Variants in IL1RAPL2 observed in about 807,000 individuals in gnomAD.
IL1RAPL2 encodes the protein X-linked interleukin-1 receptor accessory protein-like 2.
In IL1RAPL2, 3 loss-of-function variants were observed where a neutral mutation model predicts 44.1. That is an observed-to-expected ratio of 0.07 (90% confidence interval 0.03 to 0.18). The LOEUF is 0.18. Ranked by LOEUF, IL1RAPL2 falls within the 10% of genes least tolerant of loss-of-function variation. The pLI, the probability that IL1RAPL2 is intolerant of heterozygous loss-of-function variation, is 1.00. For missense variants in IL1RAPL2, 391 were observed against 496.4 expected (o/e 0.79, Z 2.02); for synonymous variants, 181 against 178.8 (o/e 1.01, Z -0.10).
intron 5 of IL1RAPL2, among the ~76,000 whole-genome samples, chrX:105,269,242 T>C (rs1365300290): frequency 9.0e-6 from 1 of 110,838 alleles, no homozygotes; most frequent in Non-Finnish European, 1.9e-5. Context: ...CTTTTTGAGA[T>C]AGTGTTAAAA....
chrX:105,462,137 A>T (rs759478434), intron 5 of IL1RAPL2, among the ~76,000 whole-genome samples: 4 of 110,808 alleles, frequency 3.6e-5, no homozygotes, highest in African/African-American at 6.6e-5. Flanking sequence ...AAATTCTCTC[A>T]TTACTGGGCT....
At chrX:104,907,067 T>G (rs1224802190) in intron 2 of IL1RAPL2, among the ~76,000 whole-genome samples, 6 of 111,164 alleles carry the variant, frequency 5.4e-5, no homozygotes, top group East Asian at 2.8e-4. Flanking sequence ...CCATTTCTTC[T>G]AGATTTTCTA....
At chrX:105,560,197 A>C (rs760258842) in intron 6 of IL1RAPL2, among the ~76,000 whole-genome samples, 1 of 111,846 alleles carries the variant, frequency 8.9e-6, no homozygotes, top group Non-Finnish European at 1.9e-5. Context: ...CCTTTAAAGA[A>C]GGTAACCTCC....
intron 2 of IL1RAPL2, among the ~76,000 whole-genome samples, chrX:104,688,731 G>A (rs889758024): frequency 1.8e-5 from 2 of 111,681 alleles, no homozygotes; most frequent in Non-Finnish European, 3.8e-5. Context: ...GCACTGATTG[G>A]TAACAGTTGA....
chrX:104,651,211 A>G (rs1380571232), intron 1 of IL1RAPL2, among the ~76,000 whole-genome samples: 3 of 112,253 alleles, frequency 2.7e-5, no homozygotes, highest in African/African-American at 9.7e-5. Context: ...CAGGAAAAGT[A>G]GCATATGAAA....
chrX:104,847,833 T>C (rs1922099357), intron 2 of IL1RAPL2, among the ~76,000 whole-genome samples: 1 of 111,910 alleles, frequency 8.9e-6, no homozygotes, highest in South Asian at 3.8e-4. Flanking sequence ...GAGCATGGAA[T>C]GTTCTTCCAT....
intron 2 of IL1RAPL2, among the ~76,000 whole-genome samples, chrX:104,678,749 G>C (rs1930836243): frequency 1.8e-5 from 2 of 111,411 alleles, no homozygotes; most frequent in Admixed American, 1.9e-4. Context: ...TTATGAGTGA[G>C]AACACATGGA....
intron 6 of IL1RAPL2, among the ~76,000 whole-genome samples, chrX:105,526,272 A>G (rs1338008529): frequency 9.0e-6 from 1 of 111,564 alleles, no homozygotes; most frequent in East Asian, 2.8e-4. Context: ...TTTATCAGGT[A>G]TGATCAGTGT....
At chrX:105,678,147 A>G (rs1203977648) in intron 6 of IL1RAPL2, among the ~76,000 whole-genome samples, 1 of 112,352 alleles carries the variant, frequency 8.9e-6, no homozygotes, top group East Asian at 2.8e-4. Context: ...ATACATAAAT[A>G]TTAGTCTGTA....
intron 3 of IL1RAPL2, among the ~76,000 whole-genome samples, chrX:105,207,330 C>T (rs973302529): frequency 9.0e-6 from 1 of 111,344 alleles, no homozygotes. Context: ...AGCATAACTC[C>T]CATGTGGTTC....
At position 104,806,767 on chromosome X, in the gene IL1RAPL2, G is replaced by C. The variant is rs770070582; in HGVS notation, c.82+147772G>C. On this transcript the variant is annotated intron_variant, in intron 2 of 10. Transcript: ENST00000372582. ...CTGCTGAGGTTGGGGATAGTTTCCT[G>C]AGAATGGTATACCTGAGAGGATCGA... is the stretch of plus-strand genomic sequence containing the variant. Among the ~76,000 whole-genome samples, 403 of 112,004 alleles carry C rather than the reference G, an allele frequency of 3.6e-3. 2 individuals are homozygous for C. The highest frequency in any genetic ancestry group is 0.012 in the African/African-American group (380 of 30,792).
intron 2 of IL1RAPL2, among the ~76,000 whole-genome samples, chrX:104,980,318 T>C (rs765742618): frequency 1.1e-4 from 12 of 111,903 alleles, no homozygotes; most frequent in African/African-American, 3.9e-4. Flanking sequence ...ACACAACAAA[T>C]AGAGAATGGT....
intron 2 of IL1RAPL2, among the ~76,000 whole-genome samples, chrX:104,759,976 A>G (rs1269336201): frequency 1.8e-5 from 2 of 111,750 alleles, no homozygotes; most frequent in Non-Finnish European, 3.8e-5. Context: ...GCTTCTGGTA[A>G]CCACCTTTCT....
chrX:104,894,372 G>A (rs1018488165), intron 2 of IL1RAPL2, among the ~76,000 whole-genome samples: 12 of 111,611 alleles, frequency 1.1e-4, no homozygotes, highest in Non-Finnish European at 2.1e-4. Flanking sequence ...AATATCCTGC[G>A]GAGTATTTTT....
intron 1 of IL1RAPL2, among the ~76,000 whole-genome samples, chrX:104,620,250 G>A (rs144458861): frequency 0.019 from 2,069 of 110,427 alleles, 54 homozygotes; most frequent in African/African-American, 0.064. Flanking sequence ...GGTAACAGGT[G>A]CACCAAAATC....
chrX:104,810,917 T>A (rs1180306595), intron 2 of IL1RAPL2, among the ~76,000 whole-genome samples: 6 of 112,435 alleles, frequency 5.3e-5, no homozygotes, highest in Non-Finnish European at 1.1e-4. Context: ...CAGTATCCAC[T>A]ATTCCTAATT....
intron 2 of IL1RAPL2, among the ~76,000 whole-genome samples, chrX:104,798,509 A>T (rs1036168970): frequency 1.8e-5 from 2 of 109,284 alleles, no homozygotes; most frequent in South Asian, 4.0e-4. Context: ...ATAAAAAAAA[A>T]AAAAAAATTA....
rs199832777 is a variant in IL1RAPL2, at chrX:105,423,578, A to AAAC, written c.698-60720_698-60718dup. Among the ~76,000 whole-genome samples, 764 of 111,529 alleles carry AAAC rather than the reference A, an allele frequency of 6.9e-3. 9 individuals are homozygous for AAAC. Among genetic ancestry groups the AAAC allele is most frequent in the African/African-American group, 0.018 (548 of 30,667 alleles). On this transcript the variant is annotated intron_variant, in intron 5 of 10. Transcript: ENST00000372582. The stretch of plus-strand genomic sequence containing the variant: ...AATCTGATGGGAGAAAGAATGGAAC[A>AAAC]AACAACAACAACAACAAAAACCCAA...
chrX:105,487,721 C>T (rs1026195277), intron 6 of IL1RAPL2, among the ~76,000 whole-genome samples: 3 of 112,106 alleles, frequency 2.7e-5, no homozygotes, highest in African/African-American at 9.7e-5. Flanking sequence ...AAGTTGCTCT[C>T]ATACCTCAAT....
Sources: gnomAD v4.1 joint callset for allele counts (sites outside exome capture counted in the v4.1 genomes callset) on GRCh38, gnomAD v4.1.1 for gene constraint, MANE v1.5 for transcripts, NCBI Gene and HGNC (gene_info 2026-07-23, HGNC 2026-07-21) for gene names.